Variants in NOL4L observed in about 807,000 individuals in gnomAD.
NOL4L encodes nucleolar protein 4-like.
Under a neutral mutation model 64.5 loss-of-function variants are expected in NOL4L, and 7 were observed. That is an observed-to-expected ratio of 0.11 (90% CI 0.06 to 0.20). The LOEUF (loss-of-function observed/expected upper bound fraction) is 0.20, where lower values mean the gene tolerates loss of function less well. Among genes scored for constraint, NOL4L ranks in the 10% least tolerant of loss-of-function variants. The pLI is 1.00. For missense variants in NOL4L, 680 were observed against 967.1 expected (o/e 0.70, Z 3.94); for synonymous variants, 413 against 401.0 (o/e 1.03, Z -0.36).
chr20:32,580,523 G>A (rs1200772294), intron 1 of NOL4L, among the ~76,000 whole-genome samples: 1 of 152,196 alleles, frequency 6.6e-6, no homozygotes, highest in African/African-American at 2.4e-5. Context: ...ACTGGGAAAA[G>A]ACCACCATTA....
At chr20:32,474,353 G>A (rs1005620320) in intron 5 of NOL4L, among the ~76,000 whole-genome samples, 3 of 152,216 alleles carry the variant, frequency 2.0e-5, no homozygotes, top group South Asian at 4.1e-4. Context: ...CAGACCCCCC[G>A]CCCCGCAGGC....
chr20:32,578,029 C>T (rs1397396976), intron 1 of NOL4L, among the ~76,000 whole-genome samples: 1 of 151,548 alleles, frequency 6.6e-6, no homozygotes, highest in Non-Finnish European at 1.5e-5. Context: ...ATTACAGTTC[C>T]ATTTTACTGA....
At chr20:32,529,367 A>T (rs539594472) in intron 1 of NOL4L, among the ~76,000 whole-genome samples, 1 of 152,298 alleles carries the variant, frequency 6.6e-6, no homozygotes, top group South Asian at 2.1e-4. Context: ...CAGGTATGAG[A>T]GAGCCGAACA....
intron 6 of NOL4L, among the ~76,000 whole-genome samples, chr20:32,455,906 A>G (rs2013454733): frequency 6.6e-6 from 1 of 152,146 alleles, no homozygotes; most frequent in Non-Finnish European, 1.5e-5. Flanking sequence ...ACAGGCTCGG[A>G]GAAGGGGGCC....
rs2013951615 is a variant in NOL4L, at chr20:32,460,585, A to G, written c.842-4190T>C. Among the ~76,000 whole-genome samples the G allele has an allele frequency of 6.6e-6, 1 of 152,208 alleles. No homozygotes were observed. Reference sequence around the variant, plus strand: ...TCCCACAGCCGTAAAACACGGTTCTAAGGTGAGGATGGTGCCCGAGATGGG... The same window carrying G: ...TCCCACAGCCGTAAAACACGGTTCTGAGGTGAGGATGGTGCCCGAGATGGG... On this transcript the variant is annotated intron_variant, in intron 5 of 10. Coordinates refer to ENST00000621426, the MANE Select transcript of NOL4L (RefSeq NM_001256798.2). The surrounding 1 kb of genome is among the most constrained non-coding windows in gnomAD (Gnocchi z 5.7).
At chr20:32,558,252 A>G (rs936133356) in intron 1 of NOL4L, among the ~76,000 whole-genome samples, 24 of 152,164 alleles carry the variant, frequency 1.6e-4, no homozygotes, top group African/African-American at 5.8e-4. Context: ...GCTTGGCTAA[A>G]AGTGGGAGCC....
At chr20:32,514,417 G>A (rs1048675041) in intron 3 of NOL4L, among the ~76,000 whole-genome samples, 24 of 152,154 alleles carry the variant, frequency 1.6e-4, no homozygotes, top group African/African-American at 3.4e-4. Context: ...ACTGGAACCC[G>A]GGAGGTGGAG....
At chr20:32,528,550 C>T (rs2018226088) in intron 1 of NOL4L, among the ~76,000 whole-genome samples, 1 of 152,234 alleles carries the variant, frequency 6.6e-6, no homozygotes, top group Non-Finnish European at 1.5e-5. Context: ...CGGCCGTGGG[C>T]CCCGAGCCTC....
chr20:32,485,693 G>A (rs73906144), intron 4 of NOL4L: 2 of 466,144 alleles, frequency 4.3e-6, no homozygotes, highest in Non-Finnish European at 8.9e-6. Flanking sequence ...TTTTTAGAAC[G>A]AACTAGTGGC....
chr20:32,464,370 A>G lies in NOL4L; in HGVS notation c.842-7975T>C, dbSNP rs564231165. 7.2e-5 allele frequency among the ~76,000 whole-genome samples: 11 copies of G among 152,346 alleles called. No individual in the cohort carries two copies. In the East Asian group the frequency reaches 1.9e-3, roughly 27 times the overall value. On this transcript the variant is annotated intron_variant, in intron 5 of 10. Transcript: ENST00000621426. This position sits in a 1 kb window ranked among gnomAD's most constrained non-coding sequence, Gnocchi z 5.6. ...ACCCTACCATCCGGGTGATGGGGCC[A>G]CACGGGGCACCTGCATTCTCCACGT...
intron 2 of NOL4L, among the ~76,000 whole-genome samples, chr20:32,526,411 C>T (rs1372544819): frequency 6.6e-6 from 1 of 151,586 alleles, no homozygotes; most frequent in Admixed American, 6.6e-5. Context: ...CACCTTGCCT[C>T]TCTGAGGCTC....
At chr20:32,469,382 T>G (rs1416860660) in intron 5 of NOL4L, among the ~76,000 whole-genome samples, 2 of 152,084 alleles carry the variant, frequency 1.3e-5, no homozygotes, top group Non-Finnish European at 2.9e-5. Context: ...TTTTTTTTCT[T>G]TTTTTTAGAT....
intron 10 of NOL4L, among the ~76,000 whole-genome samples, chr20:32,448,574 C>T (rs572674742): frequency 6.6e-6 from 1 of 152,196 alleles, no homozygotes; most frequent in Non-Finnish European, 1.5e-5. Context: ...TCGAATCCCC[C>T]CTCCTGGGAG....
At chr20:32,485,830 T>C (rs1361891677) in intron 4 of NOL4L, 1 of 466,052 alleles carries the variant, frequency 2.1e-6, no homozygotes, top group Non-Finnish European at 4.5e-6. Flanking sequence ...GACCTTTGAC[T>C]TCTCCTGGCC....
intron 1 of NOL4L, among the ~76,000 whole-genome samples, chr20:32,583,085 G>A (rs1980589834): frequency 6.6e-6 from 1 of 152,112 alleles, no homozygotes; most frequent in Non-Finnish European, 1.5e-5. Flanking sequence ...CCCTCTGCCC[G>A]GCCCCCTGTT....
chr20:32,479,228 A>C (rs1481925784), intron 4 of NOL4L, among the ~76,000 whole-genome samples: 1 of 152,248 alleles, frequency 6.6e-6, no homozygotes, highest in East Asian at 1.9e-4. Context: ...AGAGGGGGAA[A>C]ATACACCCAA....
intron 4 of NOL4L, among the ~76,000 whole-genome samples, chr20:32,480,453 C>G (rs2015646237): frequency 6.6e-6 from 1 of 152,186 alleles, no homozygotes; most frequent in South Asian, 2.1e-4. Flanking sequence ...GCTAAAGCTC[C>G]CACTGGGAAG....
At chr20:32,535,508 G>A (rs2018491912) in intron 1 of NOL4L, 4 of 857,556 alleles carry the variant, frequency 4.7e-6, no homozygotes, top group Admixed American at 1.2e-4. Flanking sequence ...CGCCACCACC[G>A]AGTCGCACCT....
intron 4 of NOL4L, among the ~76,000 whole-genome samples, chr20:32,495,361 G>A (rs1362566844): frequency 6.6e-6 from 1 of 152,188 alleles, no homozygotes; most frequent in East Asian, 1.9e-4. Context: ...GTGCTGGATC[G>A]AGCCCCTCTC....
Sources: gnomAD v4.1 joint callset for allele counts (sites outside exome capture counted in the v4.1 genomes callset) on GRCh38, gnomAD v4.1.1 for gene constraint, Gnocchi (gnomAD v3.1) non-coding constraint, MANE v1.5 for transcripts, NCBI Gene and HGNC (gene_info 2026-07-23, HGNC 2026-07-21) for gene names.